Variants in GAREM1 observed in about 807,000 individuals in gnomAD.
The protein encoded by GAREM1 is GRB2-associated and regulator of MAPK protein 1.
GAREM1 carries 26 observed loss-of-function variants against 71.3 expected under a neutral mutation model. That is an observed-to-expected ratio of 0.36 (90% CI 0.27 to 0.51). The LOEUF (loss-of-function observed/expected upper bound fraction) is 0.51. GAREM1 is among the 20% of genes least tolerant of loss of function. The probability of loss-of-function intolerance (pLI) is 0.95; values close to 1 mark genes in which losing one functional copy is unlikely to be tolerated. For synonymous variants in GAREM1, 440 were observed against 433.2 expected (o/e 1.02, Z -0.20); for missense variants, 1,026 against 1,103.1 (o/e 0.93, Z 0.99).
At chr18:32,428,544 C>T (rs1333397306) in intron 1 of GAREM1, among the ~76,000 whole-genome samples, 1 of 152,186 alleles carries the variant, frequency 6.6e-6, no homozygotes. Context: ...TGTGAGGTAC[C>T]TCACTACCCT....
intron 2 of GAREM1, among the ~76,000 whole-genome samples, chr18:32,389,795 C>A (rs184146199): frequency 7.2e-5 from 11 of 152,216 alleles, no homozygotes; most frequent in East Asian, 1.9e-4. Flanking sequence ...TAAATAGATT[C>A]TTGGAGACAA....
chr18:32,419,329 C>A (rs1370480263), intron 1 of GAREM1, among the ~76,000 whole-genome samples: 12 of 152,054 alleles, frequency 7.9e-5, no homozygotes, highest in Admixed American at 7.9e-4. Flanking sequence ...CTTGTTTTCT[C>A]CCAAAGTGCA....
At chr18:32,302,976 T>TGTC (rs2047215257) in intron 3 of GAREM1, among the ~76,000 whole-genome samples, 1 of 152,210 alleles carries the variant, frequency 6.6e-6, no homozygotes, top group African/African-American at 2.4e-5. Flanking sequence ...ATGACAAGGC[T>TGTC]GTCACCTCAG....
At chr18:32,280,821 C>T (rs751792340) in intron 4 of GAREM1, among the ~76,000 whole-genome samples, 4 of 152,156 alleles carry the variant, frequency 2.6e-5, no homozygotes, top group Non-Finnish European at 4.4e-5. Context: ...GACTGACCCC[C>T]GTGGTAGCTG....
intron 4 of GAREM1, among the ~76,000 whole-genome samples, chr18:32,271,157 C>T (rs1393930408): frequency 1.3e-5 from 2 of 152,010 alleles, no homozygotes; most frequent in Admixed American, 6.5e-5. Context: ...CATGAGCCAC[C>T]GTTCCTGGCC....
At chr18:32,458,507 T>G (rs1253555303) in intron 1 of GAREM1, among the ~76,000 whole-genome samples, 1 of 152,050 alleles carries the variant, frequency 6.6e-6, no homozygotes, top group Non-Finnish European at 1.5e-5. Flanking sequence ...GTAATGTCTA[T>G]TAATACTTAT....
intron 2 of GAREM1, among the ~76,000 whole-genome samples, chr18:32,361,677 T>C (rs1401882433): frequency 6.6e-6 from 1 of 152,236 alleles, no homozygotes. Flanking sequence ...TATTTTATAA[T>C]TTCCCAATAT....
chr18:32,381,720 C>T (rs1314126264), intron 2 of GAREM1, among the ~76,000 whole-genome samples: 1 of 152,210 alleles, frequency 6.6e-6, no homozygotes, highest in African/African-American at 2.4e-5. Context: ...TTCTAAAAAG[C>T]AGATTCTGGG....
At chr18:32,326,666 G>GACC (rs1173105420) in intron 2 of GAREM1, among the ~76,000 whole-genome samples, 1 of 152,154 alleles carries the variant, frequency 6.6e-6, no homozygotes, top group African/African-American at 2.4e-5. Flanking sequence ...CCTCACAAGA[G>GACC]ACCGACACTG....
At chr18:32,330,405 G>A (rs2047520270) in intron 2 of GAREM1, among the ~76,000 whole-genome samples, 1 of 152,074 alleles carries the variant, frequency 6.6e-6, no homozygotes, top group Non-Finnish European at 1.5e-5. Flanking sequence ...TGGGTACTAG[G>A]CTCACTTACA....
intron 3 of GAREM1, 149 bp from the exon 4 acceptor site, chr18:32,288,352 A>T: frequency 3.3e-6 from 2 of 608,558 alleles, no homozygotes; most frequent in Non-Finnish European, 2.8e-6. Flanking sequence ...TTCTTTTATT[A>T]TACTTACGTG....
intron 2 of GAREM1, among the ~76,000 whole-genome samples, chr18:32,322,396 T>C (rs2047437425): frequency 6.6e-6 from 1 of 152,186 alleles, no homozygotes; most frequent in Admixed American, 6.5e-5. Flanking sequence ...GACTATAGAA[T>C]GCACCATCTG....
At chr18:32,422,195 T>C (rs1486493391) in intron 1 of GAREM1, among the ~76,000 whole-genome samples, 1 of 152,100 alleles carries the variant, frequency 6.6e-6, no homozygotes, top group African/African-American at 2.4e-5. Context: ...TGTGTCGCTG[T>C]GTTCTCATTG....
intron 2 of GAREM1, among the ~76,000 whole-genome samples, chr18:32,387,835 G>T (rs2048162907): frequency 6.6e-6 from 1 of 152,104 alleles, no homozygotes; most frequent in Non-Finnish European, 1.5e-5. Flanking sequence ...TTCATATTAA[G>T]AATTTCATGA....
chr18:32,341,668 C>T (rs1211910051), intron 2 of GAREM1, among the ~76,000 whole-genome samples: 1 of 152,098 alleles, frequency 6.6e-6, no homozygotes, highest in Admixed American at 6.6e-5. Context: ...TTTAATATGG[C>T]AGCAATGTAA....
intron 2 of GAREM1, among the ~76,000 whole-genome samples, chr18:32,334,084 A>G (rs1265373521): frequency 6.6e-5 from 10 of 152,236 alleles, no homozygotes; most frequent in Non-Finnish European, 1.5e-4. Flanking sequence ...GTCGGAAAGA[A>G]GCTGGTGTCC....
At chr18:32,422,193 T>C (rs1211551981) in intron 1 of GAREM1, among the ~76,000 whole-genome samples, 1 of 151,936 alleles carries the variant, frequency 6.6e-6, no homozygotes, top group East Asian at 1.9e-4. Flanking sequence ...CCTGTGTCGC[T>C]GTGTTCTCAT....
chr18:32,433,436 G>T (rs2048643401), intron 1 of GAREM1, among the ~76,000 whole-genome samples: 1 of 149,548 alleles, frequency 6.7e-6, no homozygotes, highest in Non-Finnish European at 1.5e-5. Flanking sequence ...TCTAACTACT[G>T]CAATTAAGGA....
rs1450496300 is a variant in GAREM1 at position 32,470,398 on chromosome 18, G to A, written c.31C>T (p.Leu11Phe). Residue 11 changes from leucine to phenylalanine, a missense_variant, in exon 1 of 6, where the codon CTC becomes TTC. Physicochemically the swap from Leu to Phe is conservative, Grantham distance 22 (BLOSUM62 0). Around this residue, in one of 3 missense-constraint regions of GAREM1, gnomAD observed 172 missense variants for 175.2 expected, o/e 0.98. Transcript: ENST00000269209. The surrounding 1 kb of genome is among the most constrained non-coding windows in gnomAD (Gnocchi z 4.4). ...ACCGAGCTCCACTTCACATCCTTGA[G>A]GCTGCAGCCCAGCGAGGGCGCCGGG... The part of the protein sequence containing the change: MDPAPSLGCS[L>F]KDVKWSSVAV... 1.3e-6 allele frequency: 2 copies of A among 1,548,910 alleles called. No homozygotes were observed. Among genetic ancestry groups the A allele is most frequent in the African/African-American group, 1.4e-5 (1 of 70,666 alleles).
Sources: gnomAD v4.1 joint callset for allele counts (sites outside exome capture counted in the v4.1 genomes callset) on GRCh38, gnomAD v4.1.1 for gene constraint, gnomAD v4.1.1 regional missense constraint, Gnocchi (gnomAD v3.1) non-coding constraint, MANE v1.5 for transcripts, NCBI Gene and HGNC (gene_info 2026-07-23, HGNC 2026-07-21) for gene names.